LRMDA: variants seen among roughly 807,000 people sequenced by gnomAD.
The protein encoded by LRMDA is leucine rich melanocyte differentiation associated.
LRMDA carries 18 observed loss-of-function variants against 29.8 expected under a neutral mutation model. That is an observed-to-expected ratio of 0.60 (90% confidence interval 0.42 to 0.90). LRMDA has a LOEUF of 0.90. Among genes scored for constraint, LRMDA ranks in the 40% least tolerant of loss-of-function variants. The probability of loss-of-function intolerance (pLI) is 0.00; values close to 1 mark genes in which losing one functional copy is unlikely to be tolerated. For missense variants in LRMDA, 273 were observed against 273.9 expected, an observed-to-expected ratio of 1.00 and a Z score of 0.02; for synonymous variants, 125 against 109.4, an observed-to-expected ratio of 1.14 and a Z score of -0.89.
intron 2 of LRMDA, among the ~76,000 whole-genome samples, chr10:75,718,821 G>C (rs748857929): frequency 6.6e-6 from 1 of 152,170 alleles, no homozygotes; most frequent in Non-Finnish European, 1.5e-5. Flanking sequence ...ATGTTTGTGT[G>C]TTCTTGGTTA....
At chr10:75,452,342 AC>A (rs1448016904) in intron 2 of LRMDA, among the ~76,000 whole-genome samples, 1 of 151,724 alleles carries the variant, frequency 6.6e-6, no homozygotes, top group African/African-American at 2.4e-5. Context: ...TTCTTTGTTC[AC>A]CCTTTTCAAC....
rs758782065 is a variant in LRMDA at position 75,626,694 on chromosome 10, T to A, written c.131+188200T>A. On this transcript the variant is annotated intron_variant, in intron 2 of 6. Coordinates refer to ENST00000611255, the MANE Select transcript of LRMDA (RefSeq NM_001305581.2). ...CAGGGAGGTAGAGAGCATGCCACTG[T>A]CCACAGCTTTCCCTGGGTACCCACA... Among the ~76,000 whole-genome samples the A allele has an allele frequency of 5.9e-5, 9 of 152,210 alleles. No individual in the cohort carries two copies. In the South Asian group the frequency reaches 6.2e-4, roughly 11 times the overall value.
chr10:76,394,267 C>T (rs145505779), intron 6 of LRMDA, among the ~76,000 whole-genome samples: 5 of 152,272 alleles, frequency 3.3e-5, no homozygotes, highest in African/African-American at 1.2e-4. Flanking sequence ...ATTGGGATTC[C>T]AGTCCATTTT....
In LRMDA at chr10:75,433,534, G is replaced by A. The variant is rs1056075601; in HGVS notation, c.30+1780G>A. Among the ~76,000 whole-genome samples, 3 of 152,116 alleles carry A rather than the reference G, an allele frequency of 2.0e-5. 1 individual carries two copies. Among genetic ancestry groups the A allele is most frequent in the African/African-American group, 7.2e-5 (3 of 41,426 alleles). On this transcript the variant is annotated intron_variant, in intron 1 of 6. Transcript: ENST00000611255. ...GTGGATTTGAGTGTCTGGCCCCGGA[G>A]GTGGTTTTTTTGTTTGTTTGTTTGT...
At chr10:76,505,325 G>A (rs1028453319) in intron 6 of LRMDA, among the ~76,000 whole-genome samples, 2 of 151,892 alleles carry the variant, frequency 1.3e-5, no homozygotes, top group Non-Finnish European at 2.9e-5. Context: ...GGGGTTCTTG[G>A]TATTTCTTGA....
At chr10:76,190,612 T>C (rs1189389178) in intron 5 of LRMDA, among the ~76,000 whole-genome samples, 2 of 152,190 alleles carry the variant, frequency 1.3e-5, no homozygotes, top group African/African-American at 4.8e-5. Flanking sequence ...GAATTGCCAT[T>C]GAAAAGTTGG....
chr10:75,692,251 T>C (rs1433722331), intron 2 of LRMDA, among the ~76,000 whole-genome samples: 17 of 138,890 alleles, frequency 1.2e-4, no homozygotes, highest in South Asian at 1.1e-3. Context: ...TATATATACA[T>C]ATATATATTT....
At chr10:76,286,303 A>G (rs1196209607) in intron 5 of LRMDA, among the ~76,000 whole-genome samples, 2 of 152,166 alleles carry the variant, frequency 1.3e-5, no homozygotes, top group South Asian at 2.1e-4. Flanking sequence ...AGGAGTGGAG[A>G]AAGCACATTG....
chr10:75,946,158 C>T (rs1324813824), intron 2 of LRMDA, among the ~76,000 whole-genome samples: 1 of 152,160 alleles, frequency 6.6e-6, no homozygotes, highest in Non-Finnish European at 1.5e-5. Context: ...TTTTTCTCTT[C>T]CACTTGGCCC....
rs1307332081 is a variant in LRMDA at position 76,083,679 on chromosome 10, A to C, written c.516+24896A>C. On this transcript the variant is annotated intron_variant, in intron 5 of 6. Coordinates refer to ENST00000611255, the MANE Select transcript of LRMDA (RefSeq NM_001305581.2). Reference sequence around the variant, plus strand: ...CCCCGTCTCTACTAAAAAAACAAACAAAAAATTAGCCAGATGTGGTGGCGT... The same window carrying C: ...CCCCGTCTCTACTAAAAAAACAAACCAAAAATTAGCCAGATGTGGTGGCGT... 3.3e-5 allele frequency among the ~76,000 whole-genome samples: 5 copies of C among 152,170 alleles called. No individual in the cohort carries two copies. In the East Asian group the frequency reaches 9.7e-4, roughly 30 times the overall value.
chr10:76,295,912 A>T (rs1226480885), intron 5 of LRMDA, among the ~76,000 whole-genome samples: 1 of 152,100 alleles, frequency 6.6e-6, no homozygotes, highest in Non-Finnish European at 1.5e-5. Flanking sequence ...TTTCTTTGGG[A>T]CTGATACATC....
In LRMDA at chr10:75,959,289, T is replaced by C. The variant is rs148144392; in HGVS notation, c.132-76719T>C. Among the ~76,000 whole-genome samples, 529 of 152,230 alleles carry C rather than the reference T, an allele frequency of 3.5e-3. 2 individuals carry two copies. The highest frequency in any genetic ancestry group is 0.012 in the African/African-American group (499 of 41,540). On this transcript the variant is annotated intron_variant, in intron 2 of 6. Transcript: ENST00000611255. ...GCAAGCCTGCTGCAACATTGCCAAGTGTGGGAGAGGGACCGGGTTTTGGGC... is the reference window on the plus strand; with the variant it reads ...GCAAGCCTGCTGCAACATTGCCAAGCGTGGGAGAGGGACCGGGTTTTGGGC...
chr10:76,039,632 T>G (rs2132033513), intron 3 of LRMDA, among the ~76,000 whole-genome samples: 1 of 152,316 alleles, frequency 6.6e-6, no homozygotes, highest in Non-Finnish European at 1.5e-5. Flanking sequence ...CACATAGTGG[T>G]TAAGAACAAC....
At chr10:75,814,130 T>A (rs1411210229) in intron 2 of LRMDA, among the ~76,000 whole-genome samples, 1 of 152,262 alleles carries the variant, frequency 6.6e-6, no homozygotes, top group Non-Finnish European at 1.5e-5. Context: ...AGGTTCCTTC[T>A]GGACACTGGG....
chr10:76,513,486 C>T (rs1393462241), intron 6 of LRMDA, among the ~76,000 whole-genome samples: 3 of 152,102 alleles, frequency 2.0e-5, no homozygotes, highest in Non-Finnish European at 2.9e-5. Flanking sequence ...TGTATATATA[C>T]ACATTTTCCC....
At chr10:76,462,825 C>T (rs999763131) in intron 6 of LRMDA, among the ~76,000 whole-genome samples, 2 of 152,166 alleles carry the variant, frequency 1.3e-5, no homozygotes, top group African/African-American at 2.4e-5. Context: ...TTGAGCTCAG[C>T]GAGTGTTTCC....
chr10:76,514,992 ATTC>A (rs1479885871), intron 6 of LRMDA, among the ~76,000 whole-genome samples: 1 of 152,198 alleles, frequency 6.6e-6, no homozygotes, highest in Non-Finnish European at 1.5e-5. Flanking sequence ...ATTGTAATAT[ATTC>A]TTCTGGCATG....
At chr10:76,147,743 C>G (rs576818583) in intron 5 of LRMDA, among the ~76,000 whole-genome samples, 1 of 152,182 alleles carries the variant, frequency 6.6e-6, no homozygotes, top group African/African-American at 2.4e-5. Context: ...TGCGTTCCTT[C>G]GGAGGAGGAG....
At chr10:76,080,948 T>C (rs911122709) in intron 5 of LRMDA, among the ~76,000 whole-genome samples, 9 of 152,212 alleles carry the variant, frequency 5.9e-5, no homozygotes, top group Admixed American at 5.2e-4. Flanking sequence ...TCTTCACACC[T>C]TGACACCTCC....
Sources: gnomAD v4.1 joint callset for allele counts (sites outside exome capture counted in the v4.1 genomes callset) on GRCh38, gnomAD v4.1.1 for gene constraint, MANE v1.5 for transcripts, NCBI Gene and HGNC (gene_info 2026-07-23, HGNC 2026-07-21) for gene names.